The following AKAP12 variants were observed in gnomAD, a reference collection of about 807,000 sequenced individuals.
The protein encoded by AKAP12 is A-kinase anchoring protein 12.
AKAP12 carries 32 observed loss-of-function variants against 79.9 expected under a neutral mutation model. The ratio of observed to expected loss-of-function variants is 0.40; its 90% CI spans 0.30 to 0.54. The LOEUF is 0.54. Among genes scored for constraint, AKAP12 ranks in the 20% least tolerant of loss-of-function variants. The probability of loss-of-function intolerance (pLI) is 0.48; values close to 1 mark genes in which losing one functional copy is unlikely to be tolerated. For synonymous variants in AKAP12, 808 were observed against 857.0 expected, an observed-to-expected ratio of 0.94 and a Z score of 1.00; for missense variants, 2,074 against 2,177.0, an observed-to-expected ratio of 0.95 and a Z score of 0.94.
chr6:151,278,909 C>A (rs1049655997), intron 2 of AKAP12, among the ~76,000 whole-genome samples: 1 of 152,116 alleles, frequency 6.6e-6, no homozygotes, highest in Non-Finnish European at 1.5e-5. Flanking sequence ...CCTTGTGATC[C>A]GCCTGCCCCG....
Position 151,351,084 on chromosome 6 carries a change from ACGGGACGAGGG to A in AKAP12, c.2695_2705del (p.Gly899SerfsTer5). On this transcript the variant is annotated frameshift_variant, in exon 4 of 5. Transcript: ENST00000402676. LOFTEE classifies it high-confidence loss of function. This position sits in a 1 kb window ranked among gnomAD's most constrained non-coding sequence, Gnocchi z 4.4. ...CATATGATGGCAGCAGCTGTCGCTGACGGGACGAGGGCAGCTACCATTATTGAAGAAAGGTC... is the reference window on the plus strand; with the variant it reads ...CATATGATGGCAGCAGCTGTCGCTGACAGCTACCATTATTGAAGAAAGGTC... The A allele has an allele frequency of 6.2e-7, 1 of 1,614,200 alleles. No individual in the cohort carries two copies. The highest frequency in any genetic ancestry group is 8.5e-7 in the Non-Finnish European group (1 of 1,180,040).
At position 151,351,665 on chromosome 6, in the gene AKAP12, G is replaced by A. The variant is rs756078466; in HGVS notation, c.3274G>A (p.Val1092Ile). ...EASGLKKETDVVLKVDAQEAK... is the reference protein window; with the variant it reads ...EASGLKKETDIVLKVDAQEAK... The stretch of plus-strand genomic sequence containing the variant: ...GTCGGGTCTGAAGAAAGAGACGGAT[G>A]TAGTGTTGAAAGTAGATGCTCAGGA... The change falls in exon 4 of 5, where the codon GTA becomes ATA. Residue 1092 changes from valine (V) to isoleucine (I), a missense_variant. Val to Ile is a conservative substitution (Grantham distance 29). Coordinates refer to ENST00000402676, the MANE Select transcript of AKAP12 (RefSeq NM_005100.4). The surrounding 1 kb of genome is among the most constrained non-coding windows in gnomAD (Gnocchi z 4.4). 2 of 1,614,212 alleles carry A rather than the reference G, an allele frequency of 1.2e-6. No homozygotes were observed. Among genetic ancestry groups the A allele is most frequent in the Admixed American group, 3.3e-5 (2 of 60,026 alleles).
At chr6:151,322,288 A>G (rs1777417051) in intron 3 of AKAP12, among the ~76,000 whole-genome samples, 1 of 152,144 alleles carries the variant, frequency 6.6e-6, no homozygotes, top group African/African-American at 2.4e-5. Flanking sequence ...AGGGCTAATA[A>G]CGTTGGACGT....
chr6:151,251,647 G>C (rs746271609), intron 2 of AKAP12, among the ~76,000 whole-genome samples: 15 of 152,128 alleles, frequency 9.9e-5, no homozygotes, highest in Non-Finnish European at 1.8e-4. Context: ...TTATACTAAG[G>C]GTACCTTTAG....
intron 2 of AKAP12, among the ~76,000 whole-genome samples, chr6:151,303,406 C>CA (rs2114752959): frequency 6.6e-6 from 1 of 152,202 alleles, no homozygotes; most frequent in Admixed American, 6.5e-5. Context: ...ATTTTGAAGC[C>CA]AACAATCCCA....
intron 3 of AKAP12, among the ~76,000 whole-genome samples, chr6:151,334,840 G>A (rs7767976): frequency 0.2 from 30,379 of 151,814 alleles, 5,189 homozygotes; most frequent in African/African-American, 0.47. Flanking sequence ...AGCCAGGATG[G>A]TCTTGATCTC....
In AKAP12 at chr6:151,335,398, C is replaced by T. The variant is rs180857164; in HGVS notation, c.320-13313C>T. Among the ~76,000 whole-genome samples the T allele has an allele frequency of 1.9e-3, 292 of 152,280 alleles. 1 individual carries two copies. Among genetic ancestry groups the T allele is most frequent in the African/African-American group, 6.8e-3 (283 of 41,560 alleles). On this transcript the variant is annotated intron_variant, in intron 3 of 4. Transcript: ENST00000402676. ...CATCCTCATAACCAGCCTTAGTGTC[C>T]TCACCTATAATGTAAGTGACTTATG...
intron 2 of AKAP12, among the ~76,000 whole-genome samples, chr6:151,291,681 G>A (rs1776624659): frequency 6.6e-6 from 1 of 152,200 alleles, no homozygotes; most frequent in South Asian, 2.1e-4. Context: ...TTGCTATTAA[G>A]CATCCACGGA....
intron 3 of AKAP12, among the ~76,000 whole-genome samples, chr6:151,347,539 C>A (rs75054890): frequency 1.3e-5 from 2 of 152,172 alleles, no homozygotes; most frequent in Admixed American, 6.5e-5. Flanking sequence ...TTATGTGGAA[C>A]TAATTTTTTG....
chr6:151,257,814 G>T (rs1269163446), intron 2 of AKAP12, among the ~76,000 whole-genome samples: 2 of 152,106 alleles, frequency 1.3e-5, no homozygotes, highest in Non-Finnish European at 2.9e-5. Flanking sequence ...TCCTTATTAA[G>T]TTACATCTGT....
intron 2 of AKAP12, among the ~76,000 whole-genome samples, chr6:151,299,564 T>A (rs1776809712): frequency 6.6e-6 from 1 of 152,162 alleles, no homozygotes; most frequent in African/African-American, 2.4e-5. Flanking sequence ...TCTTTGTCAG[T>A]GGGTTATTTT....
At chr6:151,248,942 G>A (rs1797125828) in intron 2 of AKAP12, among the ~76,000 whole-genome samples, 1 of 151,764 alleles carries the variant, frequency 6.6e-6, no homozygotes, top group East Asian at 1.9e-4. Context: ...AGCCGAGACC[G>A]CATCATTGCA....
intron 2 of AKAP12, among the ~76,000 whole-genome samples, chr6:151,280,037 TG>T (rs954506924): frequency 6.8e-5 from 8 of 116,894 alleles, no homozygotes; most frequent in African/African-American, 2.1e-4. Context: ...TTTCGGTTGT[TG>T]TTTTTTTTTT....
intron 2 of AKAP12, among the ~76,000 whole-genome samples, chr6:151,303,616 T>G (rs774418928): frequency 7.9e-5 from 12 of 152,308 alleles, no homozygotes; most frequent in Admixed American, 2.0e-4. Flanking sequence ...AGTCATTCAT[T>G]GGCCTGGAAG....
chr6:151,325,616 T>C (rs1777502416), intron 3 of AKAP12: 2 of 1,013,632 alleles, frequency 2.0e-6, no homozygotes, highest in African/African-American at 1.7e-5. Context: ...TGTGGGTGGC[T>C]GGGTGGGGGC....
intron 2 of AKAP12, among the ~76,000 whole-genome samples, chr6:151,267,378 G>T (rs75669677): frequency 0.14 from 21,956 of 152,134 alleles, 2,118 homozygotes; most frequent in Admixed American, 0.31. Context: ...GTACTTAATT[G>T]ACATAGTCAC....
intron 2 of AKAP12, among the ~76,000 whole-genome samples, chr6:151,270,472 A>G (rs1192604072): frequency 2.0e-5 from 3 of 152,252 alleles, no homozygotes; most frequent in South Asian, 2.1e-4. Flanking sequence ...TTTGGCTGTC[A>G]TGAATAATAT....
chr6:151,252,429 C>G (rs1007041559), intron 2 of AKAP12, among the ~76,000 whole-genome samples: 4 of 152,022 alleles, frequency 2.6e-5, no homozygotes, highest in African/African-American at 9.7e-5. Flanking sequence ...ATCCTGACCT[C>G]AGGTGATCCA....
intron 2 of AKAP12, among the ~76,000 whole-genome samples, chr6:151,253,554 T>C (rs1340987919): frequency 6.6e-6 from 1 of 152,116 alleles, no homozygotes; most frequent in Non-Finnish European, 1.5e-5. Flanking sequence ...ATCAATAATA[T>C]ATTGAATCCT....
Sources: allele counts gnomAD v4.1 joint callset (sites outside exome capture counted in the v4.1 genomes callset), GRCh38; gene constraint gnomAD v4.1.1; non-coding constraint Gnocchi (gnomAD v3.1); transcripts MANE v1.5; gene names NCBI Gene and HGNC (gene_info 2026-07-23, HGNC 2026-07-21).